The following FRRS1 variants were observed in gnomAD, a reference collection of about 807,000 sequenced individuals.
FRRS1 encodes ferric reductase 1.
In FRRS1, 51 loss-of-function variants were observed where a neutral mutation model predicts 70.7. The ratio of observed to expected loss-of-function variants is 0.72; its 90% CI spans 0.58 to 0.91. The LOEUF (loss-of-function observed/expected upper bound fraction) is 0.91. Among genes scored for constraint, FRRS1 ranks in the 40% least tolerant of loss-of-function variants. The pLI is 0.00. For synonymous variants in FRRS1, 225 were observed against 238.7 expected, an observed-to-expected ratio of 0.94 and a Z score of 0.53; for missense variants, 672 against 726.0, an observed-to-expected ratio of 0.93 and a Z score of 0.86.
chr1:99,722,329 T>A (rs2100924317), intron 9 of FRRS1, among the ~76,000 whole-genome samples: 1 of 152,320 alleles, frequency 6.6e-6, no homozygotes, highest in South Asian at 2.1e-4. Context: ...CTTTTTTATT[T>A]AAACTCTTCT....
chr1:99,762,535 T>C (rs1225505517), intron 1 of FRRS1, among the ~76,000 whole-genome samples: 3 of 151,428 alleles, frequency 2.0e-5, no homozygotes, highest in Non-Finnish European at 4.4e-5. Context: ...GCCTCAATTA[T>C]AACCTCTAGG....
At chr1:99,741,434 G>C (rs1045196881) in intron 5 of FRRS1, among the ~76,000 whole-genome samples, 5 of 152,120 alleles carry the variant, frequency 3.3e-5, no homozygotes, top group Non-Finnish European at 5.9e-5. Context: ...TGTGTGTTGG[G>C]GACCCACGCA....
chr1:99,710,034 T>C (rs1654200185), intron 15 of FRRS1, among the ~76,000 whole-genome samples: 1 of 152,062 alleles, frequency 6.6e-6, no homozygotes, highest in South Asian at 2.1e-4. Context: ...AAGCCCCACA[T>C]ATATAAGCCT....
At chr1:99,744,468 A>G (rs922643124) in intron 4 of FRRS1, among the ~76,000 whole-genome samples, 11 of 152,186 alleles carry the variant, frequency 7.2e-5, no homozygotes, top group Middle Eastern at 6.3e-3. Context: ...CATCCCGGCT[A>G]ACACGGTGAA....
Position 99,719,634 on chromosome 1 carries a change from C to T in FRRS1, c.1020G>A (p.Lys340=). 1 of 1,582,650 alleles carries T rather than the reference C, an allele frequency of 6.3e-7. No homozygotes were observed. Among genetic ancestry groups the T allele is most frequent in the Non-Finnish European group, 8.7e-7 (1 of 1,155,012 alleles). ...DGAANDGRIY[K]HSQQPLITYE... ...AGGTAATCAAAGGTTGCTGAGAGTG[C>T]TTGTAAATTCGACCTGCAAATTAAA... Residue 340 remains lysine, a synonymous_variant, in exon 10 of 17, where the codon AAG becomes AAA. Transcript: ENST00000646001.
rs550623015 is a variant in FRRS1 at position 99,730,180 on chromosome 1, ATATC to A, written c.760-436_760-433del. Among the ~76,000 whole-genome samples the A allele has an allele frequency of 4.5e-3, 691 of 152,288 alleles. 3 individuals are homozygous for A. The Middle Eastern group carries it at 0.055, about 12-fold the overall frequency. ...ACTCCAGATATTTATTTATTAATAA[ATATC>A]TATATCCTACATATTTTAATGACCA... On this transcript the variant is annotated intron_variant, in intron 7 of 16. Transcript: ENST00000646001.
In FRRS1 at chr1:99,706,224, CAA is replaced by C. The variant is rs60761211; in HGVS notation, c.*2802_*2803del. ...CAACAAAGGGAGATCCCTTCTCTAC[CAA>C]AAAAAAAAAAAAATTTTTTTTTAAT... On this transcript the variant is annotated 3_prime_UTR_variant, in exon 17 of 17. Coordinates refer to ENST00000646001, the MANE Select transcript of FRRS1 (RefSeq NM_001361041.2). Among the ~76,000 whole-genome samples the C allele has an allele frequency of 5.0e-5, 7 of 139,466 alleles. No individual in the cohort carries two copies. The highest frequency in any genetic ancestry group is 2.1e-4 in the East Asian group (1 of 4,806). The allele number at this position is 139,466 out of a possible 152,430, so 91.5% of individuals were successfully genotyped here.
chr1:99,750,373 A>C (rs1656510879), intron 1 of FRRS1, among the ~76,000 whole-genome samples: 1 of 152,256 alleles, frequency 6.6e-6, no homozygotes, highest in South Asian at 2.1e-4. Flanking sequence ...TGAAAGGCAG[A>C]GAACACAATT....
intron 10 of FRRS1, among the ~76,000 whole-genome samples, chr1:99,719,133 T>G (rs1444039515): frequency 6.6e-6 from 1 of 151,730 alleles, no homozygotes. Context: ...ATTTATAGGC[T>G]AGGCACGGTG....
At chr1:99,745,365 A>G (rs1196711320) in intron 4 of FRRS1, among the ~76,000 whole-genome samples, 1 of 152,176 alleles carries the variant, frequency 6.6e-6, no homozygotes, top group African/African-American at 2.4e-5. Context: ...GACAAGAAGC[A>G]CCTTGCCAGT....
At chr1:99,746,366 A>G (rs1452802587) in intron 4 of FRRS1, among the ~76,000 whole-genome samples, 1 of 152,232 alleles carries the variant, frequency 6.6e-6, no homozygotes, top group Non-Finnish European at 1.5e-5. Flanking sequence ...TATCGTTATT[A>G]TAGAAAAAGC....
At chr1:99,744,064 T>TAA (rs112254806) in intron 4 of FRRS1, among the ~76,000 whole-genome samples, 8 of 124,360 alleles carry the variant, frequency 6.4e-5, no homozygotes, top group Non-Finnish European at 8.1e-5. Context: ...AGAACGATTG[T>TAA]AAAAAAAAAA....
intron 1 of FRRS1, among the ~76,000 whole-genome samples, chr1:99,760,851 A>G (rs1657082662): frequency 6.6e-6 from 1 of 152,030 alleles, no homozygotes; most frequent in Admixed American, 6.6e-5. Context: ...GGGTTTCACC[A>G]TGTTGGCCAG....
At chr1:99,723,039 A>G (rs1344104577) in intron 9 of FRRS1, among the ~76,000 whole-genome samples, 4 of 152,218 alleles carry the variant, frequency 2.6e-5, no homozygotes, top group African/African-American at 7.2e-5. Flanking sequence ...TCCATTCATA[A>G]TAATTTGCTT....
intron 4 of FRRS1, among the ~76,000 whole-genome samples, chr1:99,746,147 A>T (rs374077080): frequency 8.5e-4 from 130 of 152,298 alleles, no homozygotes; most frequent in African/African-American, 3.0e-3. Flanking sequence ...CCTGCTACCC[A>T]GAACCCCATG....
intron 1 of FRRS1, 66 bp downstream of exon 1, chr1:99,766,541 A>G (rs1181821277): frequency 1.3e-5 from 2 of 152,242 alleles, no homozygotes; most frequent in South Asian, 2.1e-4. Context: ...TCTGTCGCTA[A>G]GCTGGATTTG....
intron 1 of FRRS1, among the ~76,000 whole-genome samples, chr1:99,753,034 G>C (rs1425268127): frequency 6.9e-6 from 1 of 143,926 alleles, no homozygotes; most frequent in East Asian, 2.1e-4. Context: ...GCAACATGGT[G>C]AGCTCTCATG....
chr1:99,744,101 G>A (rs1377506021), intron 4 of FRRS1, among the ~76,000 whole-genome samples: 3 of 148,136 alleles, frequency 2.0e-5, no homozygotes, highest in Non-Finnish European at 4.5e-5. Context: ...AAGAAAATTC[G>A]TAAAGCTGTC....
At position 99,706,403 on chromosome 1, in the gene FRRS1, T is replaced by C. The variant is rs574888204; in HGVS notation, c.*2625A>G. On this transcript the variant is annotated 3_prime_UTR_variant, in exon 17 of 17. Coordinates refer to ENST00000646001, the MANE Select transcript of FRRS1 (RefSeq NM_001361041.2). Reference sequence around the variant, plus strand: ...CAGCCTGGGCAACAGAGTAAGACCCTGTCTCAAAAAAAAAAAAAAAAGATT... The same window carrying C: ...CAGCCTGGGCAACAGAGTAAGACCCCGTCTCAAAAAAAAAAAAAAAAGATT... Among the ~76,000 whole-genome samples the C allele has an allele frequency of 5.0e-4, 69 of 138,726 alleles. No homozygotes were observed. Among genetic ancestry groups the C allele is most frequent in the Non-Finnish European group, 9.4e-4 (62 of 65,792 alleles). The allele number at this position is 138,726 out of a possible 152,430, so 91.0% of individuals were successfully genotyped here.
Sources: allele counts gnomAD v4.1 joint callset (sites outside exome capture counted in the v4.1 genomes callset), GRCh38; gene constraint gnomAD v4.1.1; transcripts MANE v1.5; gene names NCBI Gene and HGNC (gene_info 2026-07-23, HGNC 2026-07-21).